STRADB: variants seen among roughly 807,000 people sequenced by gnomAD.
STRADB encodes the protein STE20 related adaptor beta.
A neutral mutation model predicts 52.1 loss-of-function variants in STRADB; 34 were observed. The ratio of observed to expected loss-of-function variants is 0.65; its 90% confidence interval spans 0.50 to 0.87. STRADB has a LOEUF of 0.87. Among genes scored for constraint, STRADB ranks in the 40% least tolerant of loss-of-function variants. The pLI is 0.00. For synonymous variants in STRADB, 133 were observed against 174.5 expected (o/e 0.76, Z 1.87); for missense variants, 340 against 483.9 (o/e 0.70, Z 2.79).
chr2:201,453,907 G>A (rs770831457), intron 1 of STRADB, among the ~76,000 whole-genome samples: 5 of 152,034 alleles, frequency 3.3e-5, no homozygotes, highest in Admixed American at 6.6e-5. Flanking sequence ...TCTACCTTTG[G>A]TTCATAGTGA....
chr2:201,475,912 T>A (rs1053017342), intron 7 of STRADB, among the ~76,000 whole-genome samples, 170 bp downstream of exon 7: 1 of 152,166 alleles, frequency 6.6e-6, no homozygotes, highest in Non-Finnish European at 1.5e-5. Flanking sequence ...ACATTTTATG[T>A]CCATTCGCCA....
chr2:201,478,224 C>A, intron 9 of STRADB, 33 bp downstream of exon 9: 1 of 1,601,734 alleles, frequency 6.2e-7, no homozygotes, highest in South Asian at 1.1e-5. Context: ...AGCTACTTGC[C>A]TTTCATAAGA....
At position 201,461,744 on chromosome 2, in the gene STRADB, T is replaced by C. The variant is rs1218564185; in HGVS notation, c.93+2880T>C. The stretch of plus-strand genomic sequence containing the variant: ...CCTCTACTTTTGGGGTATAACTCAA[T>C]TAATCTTTGCCCAGACCAATTTCCT... On this transcript the variant is annotated intron_variant, in intron 3 of 11. Transcript: ENST00000194530. 3.9e-5 allele frequency among the ~76,000 whole-genome samples: 6 copies of C among 152,214 alleles called. 1 individual carries two copies. In the South Asian group the frequency reaches 1.0e-3, roughly 26 times the overall value.
chr2:201,454,952 T>C (rs937001233), intron 2 of STRADB, 100 bp downstream of exon 2: 43 of 1,054,062 alleles, frequency 4.1e-5, no homozygotes, highest in Non-Finnish European at 4.6e-5. Flanking sequence ...GATATTCTTA[T>C]GCTCTGAGAT....
Position 201,469,996 on chromosome 2 carries a change from C to T in STRADB, c.137C>T (p.Ala46Val), listed in dbSNP as rs1207032976. 1.2e-6 allele frequency: 2 copies of T among 1,613,870 alleles called. No individual in the cohort carries two copies. Among genetic ancestry groups the T allele is most frequent in the Non-Finnish European group, 1.7e-6 (2 of 1,179,964 alleles). ...TLSWSRPSTR[A>V]SEVLCSTNVS... is the part of the protein sequence containing the mutation. Reference sequence around the variant, plus strand: ...TCCTGGTCACGTCCATCCACTAGAGCCAGTGAAGTACTATGTTCCACCAAC... The same window carrying T: ...TCCTGGTCACGTCCATCCACTAGAGTCAGTGAAGTACTATGTTCCACCAAC... The change falls in exon 4 of 12, where the codon GCC (alanine) becomes GTC (valine). Residue 46 changes from alanine to valine, a missense_variant. Physicochemically the swap from Ala to Val is moderately conservative, Grantham distance 64. Transcript: ENST00000194530.
intron 4 of STRADB, among the ~76,000 whole-genome samples, chr2:201,472,386 A>G (rs1049514143): frequency 2.0e-5 from 3 of 152,224 alleles, no homozygotes; most frequent in African/African-American, 7.2e-5. Flanking sequence ...GGATAAATAA[A>G]TTGTGGTATA....
chr2:201,460,718 G>T, intron 3 of STRADB: 1 of 230,750 alleles, frequency 4.3e-6, no homozygotes, highest in Non-Finnish European at 9.6e-6. Flanking sequence ...TGGCTAAATA[G>T]TATTCCATTG....
rs773293725 is a variant in STRADB at position 201,470,042 on chromosome 2, A to G, written c.183A>G (p.Gln61=). The change falls in exon 4 of 12, where the codon CAA becomes CAG. Residue 61 remains glutamine (Q), a synonymous_variant. Coordinates refer to ENST00000194530, the MANE Select transcript of STRADB (RefSeq NM_018571.6). The part of the protein sequence containing the change: ...CSTNVSHYEL[Q]VEIGRGFDNL... ...CCAACGTTTCTCACTATGAGCTCCA[A>G]GTAGAAATAGGTAATAATCCTGAAT... is the stretch of plus-strand genomic sequence containing the variant. 2 of 1,611,018 alleles carry G rather than the reference A, an allele frequency of 1.2e-6. No homozygotes were observed. Among genetic ancestry groups the G allele is most frequent in the South Asian group, 1.1e-5 (1 of 90,992 alleles).
At chr2:201,460,879 C>T (rs1952203777) in intron 3 of STRADB, 2 of 176,462 alleles carry the variant, frequency 1.1e-5, no homozygotes, top group South Asian at 9.8e-5. Context: ...GGATATATAC[C>T]TATCAGTGGG....
chr2:201,460,797 G>A, intron 3 of STRADB: 1 of 365,754 alleles, frequency 2.7e-6, no homozygotes, highest in South Asian at 2.1e-5. Flanking sequence ...CCAAGTCTTG[G>A]CTATTGTCAG....
intron 3 of STRADB, chr2:201,460,749 TTTATCCA>T: frequency 3.1e-6 from 1 of 321,842 alleles, no homozygotes; most frequent in Non-Finnish European, 6.6e-6. Flanking sequence ...CCACATTTTC[TTTATCCA>T]TTCATCTGTT....
At chr2:201,467,299 C>T (rs57966798) in intron 3 of STRADB, among the ~76,000 whole-genome samples, 8,591 of 152,278 alleles carry the variant, frequency 0.056, 546 homozygotes, top group East Asian at 0.25. Flanking sequence ...TCGCTGCAAG[C>T]AGACATTTGT....
At chr2:201,452,215 T>C (rs1386651829) in intron 1 of STRADB, among the ~76,000 whole-genome samples, 2 of 151,912 alleles carry the variant, frequency 1.3e-5, no homozygotes, top group Non-Finnish European at 2.9e-5. Flanking sequence ...GTGCCGGCCG[T>C]GCCAGGTGCG....
chr2:201,461,322 A>G (rs1952212671), intron 3 of STRADB, among the ~76,000 whole-genome samples: 1 of 152,062 alleles, frequency 6.6e-6, no homozygotes, highest in South Asian at 2.1e-4. Flanking sequence ...TTGATAAGCT[A>G]TGACTACAGG....
chr2:201,472,995 G>A lies in STRADB; in HGVS notation c.234G>A (p.Arg78=). 6.2e-7 allele frequency: 1 copy of A among 1,612,136 alleles called. No individual in the cohort carries two copies. ...ACTTGACTTCTGTCCATCTTGCACG[G>A]CATACTCCCACAGGAACACTGGTAA... The part of the protein sequence containing the change: ...FDNLTSVHLA[R]HTPTGTLVTI... Residue 78 remains arginine, a synonymous_variant, in exon 5 of 12, where the codon CGG becomes CGA. Coordinates refer to ENST00000194530, the MANE Select transcript of STRADB (RefSeq NM_018571.6).
intron 3 of STRADB, among the ~76,000 whole-genome samples, chr2:201,460,974 T>A (rs954583254): frequency 4.0e-5 from 6 of 149,418 alleles, no homozygotes; most frequent in Admixed American, 6.7e-5. Context: ...GTTGTACTAA[T>A]TTGCATCATC....
chr2:201,470,508 C>T (rs1488516680), intron 4 of STRADB, among the ~76,000 whole-genome samples: 2 of 152,212 alleles, frequency 1.3e-5, no homozygotes, highest in Non-Finnish European at 2.9e-5. Context: ...TATAGCTTTA[C>T]ATATGTGAAA....
At chr2:201,455,095 T>A (rs1409953275) in intron 2 of STRADB, among the ~76,000 whole-genome samples, 1 of 152,216 alleles carries the variant, frequency 6.6e-6, no homozygotes, top group Non-Finnish European at 1.5e-5. Flanking sequence ...CATATCTACT[T>A]TTTCTCATAG....
At chr2:201,471,491 C>G (rs1952387703) in intron 4 of STRADB, among the ~76,000 whole-genome samples, 1 of 152,188 alleles carries the variant, frequency 6.6e-6, no homozygotes, top group African/African-American at 2.4e-5. Context: ...ATCTAACAGG[C>G]ATTATGCTGA....
Sources: allele counts gnomAD v4.1 joint callset (sites outside exome capture counted in the v4.1 genomes callset), GRCh38; gene constraint gnomAD v4.1.1; transcripts MANE v1.5; gene names NCBI Gene and HGNC (gene_info 2026-07-23, HGNC 2026-07-21).